Variants in ARHGEF1 observed in about 807,000 individuals in gnomAD.
ARHGEF1 encodes the protein 115 kDa guanine nucleotide exchange factor.
A neutral mutation model predicts 119.7 loss-of-function variants in ARHGEF1; 40 were observed. That is an observed-to-expected ratio of 0.33 (90% CI 0.26 to 0.44). ARHGEF1 has a LOEUF of 0.44. Among genes scored for constraint, ARHGEF1 ranks in the 20% least tolerant of loss-of-function variants. The pLI, the probability that ARHGEF1 is intolerant of heterozygous loss-of-function variation, is 1.00. For missense variants in ARHGEF1, 976 were observed against 1,268.3 expected, an observed-to-expected ratio of 0.77 and a Z score of 3.50; for synonymous variants, 494 against 521.0, an observed-to-expected ratio of 0.95 and a Z score of 0.71.
chr19:41,907,652 G>A (rs965408016), downstream of ARHGEF1: 90 of 440,118 alleles, frequency 2.0e-4, no homozygotes, highest in Non-Finnish European at 3.1e-4. Flanking sequence ...CCCTGACACC[G>A]CCCTCCAGCT....
In ARHGEF1 at chr19:41,912,956, CG is replaced by C. The variant is rs1298584227; in HGVS notation, c.1865+6157del. 19 of 1,124,498 alleles carry C rather than the reference CG, an allele frequency of 1.7e-5. No individual in the cohort carries two copies. In the African/African-American group the frequency reaches 3.1e-4, roughly 18 times the overall value. 69.7% of individuals were successfully genotyped at this position (1,124,498 alleles called of 1,614,324 possible). On this transcript the variant is annotated intron_variant, in intron 18 of 20. Coordinates refer to the ARHGEF1 transcript ENST00000599589. ...CCCTGCAGAGGCCGGGAGGGACACA[CG>C]GGGACGGGGTGGGCAGGAGAGACAG...
intron 13 of ARHGEF1, 84 bp downstream of exon 13, chr19:41,896,566 C>A: frequency 1.9e-6 from 2 of 1,077,708 alleles, no homozygotes; most frequent in Non-Finnish European, 2.8e-6. Context: ...GCCATCTGTG[C>A]CTGCCTGTCC....
rs1555847041 is a variant in ARHGEF1, at chr19:41,894,323, C to G, written c.744+17C>G. The G allele has an allele frequency of 1.3e-6, 2 of 1,525,038 alleles. No homozygotes were observed. Among genetic ancestry groups the G allele is most frequent in the African/African-American group, 1.4e-5 (1 of 72,176 alleles). The allele number at this position is 1,525,038 out of a possible 1,614,324, so 94.5% of individuals were successfully genotyped here. ...CGGAAAAAGGTGCTTCCCTCAGTGC[C>G]CCGTCCTGACCCTTTCCTCTCCAGA... On this transcript the variant is annotated intron_variant, in intron 9 of 28. Coordinates refer to ENST00000354532, the MANE Select transcript of ARHGEF1 (RefSeq NM_004706.4).
At position 41,894,486 on chromosome 19, in the gene ARHGEF1, G is replaced by A; in HGVS notation, c.780G>A (p.Lys260=). ...MGNRRSDEPA[K]TKKGLSSILD... ...ACCGGCGGTCGGACGAGCCTGCCAA[G>A]ACCAAGAAGGGGCTGAGCAGCATCC... Residue 260 remains lysine, a synonymous_variant, in exon 10 of 29, where the codon AAG becomes AAA. Transcript: ENST00000354532. 6.3e-7 allele frequency: 1 copy of A among 1,589,000 alleles called. No homozygotes were observed. Among genetic ancestry groups the A allele is most frequent in the Non-Finnish European group, 8.6e-7 (1 of 1,165,468 alleles).
At position 41,894,608 on chromosome 19, in the gene ARHGEF1, C is replaced by G; in HGVS notation, c.842-18C>G. ...CCCCAGCTGCTCCCACTCACTGTCT[C>G]ATTCTCTCTCGTTTCAGTTCCAGAT... On this transcript the variant is annotated intron_variant, in intron 10 of 28. Transcript: ENST00000354532. 6.2e-7 allele frequency: 1 copy of G among 1,614,074 alleles called. No individual in the cohort carries two copies. Among genetic ancestry groups the G allele is most frequent in the Non-Finnish European group, 8.5e-7 (1 of 1,179,946 alleles).
At chr19:41,919,047 TACAC>T (rs1238231444), upstream of ARHGEF1, among the ~76,000 whole-genome samples, 2 of 148,702 alleles carry the variant, frequency 1.3e-5, no homozygotes, top group Non-Finnish European at 3.0e-5. Context: ...TCACACCACA[TACAC>T]AACACTGCAT....
rs140814302 is a variant in ARHGEF1, at chr19:41,902,467, C to A, written c.1498-66C>A. 6.2e-6 allele frequency: 10 copies of A among 1,611,752 alleles called. No homozygotes were observed. In the Admixed American group the frequency reaches 8.3e-5, roughly 13 times the overall value. ...CCCAGGGTCTGGGCTTCCAGCCTGT[C>A]GTACTTTAGTCCCTGTTCTTGCCCA... On this transcript the variant is annotated intron_variant, in intron 16 of 28. Transcript: ENST00000354532. The surrounding 1 kb of genome is among the most constrained non-coding windows in gnomAD (Gnocchi z 6.5).
chr19:41,892,448 C>T lies in ARHGEF1; in HGVS notation c.367+75C>T. 1.9e-6 allele frequency: 3 copies of T among 1,603,636 alleles called. No homozygotes were observed. Among genetic ancestry groups the T allele is most frequent in the Non-Finnish European group, 1.7e-6 (2 of 1,171,472 alleles). ...TCCCAGGAGGCCAAGGGGAGGGAGG[C>T]CGCACTCCCATGCTCTGCTCGGACA... On this transcript the variant is annotated intron_variant, in intron 6 of 28. Coordinates refer to ENST00000354532, the MANE Select transcript of ARHGEF1 (RefSeq NM_004706.4). The surrounding 1 kb of genome is among the most constrained non-coding windows in gnomAD (Gnocchi z 6.3).
chr19:41,907,033 GTC>G, intron 28 of ARHGEF1, 70 bp from the exon 29 acceptor site: 1 of 1,363,272 alleles, frequency 7.3e-7, no homozygotes, highest in Non-Finnish European at 9.7e-7. Context: ...TCCCTGTCTT[GTC>G]TCTGTGTCTG....
upstream of ARHGEF1, among the ~76,000 whole-genome samples, chr19:41,920,995 C>A (rs1305847716): frequency 6.6e-6 from 1 of 152,228 alleles, no homozygotes; most frequent in African/African-American, 2.4e-5. Flanking sequence ...GTCTCAGTCT[C>A]CGCACGATGT....
chr19:41,908,118 C>T, downstream of ARHGEF1: 3 of 879,956 alleles, frequency 3.4e-6, no homozygotes, highest in Non-Finnish European at 4.5e-6. The surrounding 1 kb of genome is among the most constrained non-coding windows in gnomAD (Gnocchi z 6.7). Flanking sequence ...GCAATGTGCC[C>T]AGACCTGGGA....
chr19:41,922,453 G>A (rs79704386), upstream of ARHGEF1, among the ~76,000 whole-genome samples: 919 of 152,284 alleles, frequency 6.0e-3, 15 homozygotes, highest in African/African-American at 0.02. Flanking sequence ...GAGCACACAG[G>A]GACAGGGAAT....
At chr19:41,927,858 G>A (rs2074880724) in intron 1 of ARHGEF1, among the ~76,000 whole-genome samples, 2 of 151,180 alleles carry the variant, frequency 1.3e-5, no homozygotes, top group South Asian at 2.1e-4. Flanking sequence ...CACCTTCCCA[G>A]AGTTGGGCGC....
intron 8 of ARHGEF1, among the ~76,000 whole-genome samples, chr19:41,893,855 G>A (rs1555846839): frequency 3.2e-5 from 3 of 95,004 alleles, no homozygotes; most frequent in African/African-American, 1.5e-4. Flanking sequence ...GGGAGGAAGG[G>A]GCTGGGGGCC....
At position 41,888,180 on chromosome 19, in the gene ARHGEF1, C is replaced by G. The variant is rs2074323692; in HGVS notation, c.25-12C>G. The G allele has an allele frequency of 6.2e-7, 1 of 1,614,052 alleles. No individual in the cohort carries two copies. Among genetic ancestry groups the G allele is most frequent in the Middle Eastern group, 1.7e-4 (1 of 6,060 alleles). ...GAGTCCTGTGGACTGAAGCTGCCCT[C>G]CCTTTCCACAGGCCTCCCCAGGCCC... On this transcript the variant is annotated splice_polypyrimidine_tract_variant and intron_variant, in intron 2 of 28. Coordinates refer to ENST00000354532, the MANE Select transcript of ARHGEF1 (RefSeq NM_004706.4). The surrounding 1 kb of genome is among the most constrained non-coding windows in gnomAD (Gnocchi z 5.1).
rs1320599237 is a variant in ARHGEF1 at position 41,905,359 on chromosome 19, A to C, written c.2336+98A>C. On this transcript the variant is annotated intron_variant, in intron 24 of 28. Transcript: ENST00000354532. This position sits in a 1 kb window ranked among gnomAD's most constrained non-coding sequence, Gnocchi z 6.4. ...ACTCCAGAACCGTCTCTGTGTGAGC[A>C]TGCACATGTGTGAATGCATGTGTGT... 6 of 1,105,254 alleles carry C rather than the reference A, an allele frequency of 5.4e-6. No homozygotes were observed. The highest frequency in any genetic ancestry group is 7.8e-6 in the Non-Finnish European group (6 of 765,788). The allele number at this position is 1,105,254 out of a possible 1,614,324, so 68.5% of individuals were successfully genotyped here.
At chr19:41,913,391 G>T (rs1555851444) in intron 18 of ARHGEF1, among the ~76,000 whole-genome samples, 1 of 151,572 alleles carries the variant, frequency 6.6e-6, no homozygotes, top group Non-Finnish European at 1.5e-5. Context: ...CTCTCTCTCT[G>T]GCTGCCCCAG....
At position 41,928,850 on chromosome 19, in the gene ARHGEF1, A is replaced by G. The variant is rs188065112; in HGVS notation, c.162A>G (p.Gly54=). Reference sequence around the variant, plus strand: ...CCTAAGTGGACGCGCGGACAAACGGACAGGCGCGAGGTGGAGGTGGCGACG... The same window carrying G: ...CCTAAGTGGACGCGCGGACAAACGGGCAGGCGCGAGGTGGAGGTGGCGACG... The change falls in exon 2 of 3, where the codon GGA becomes GGG. Residue 54 remains glycine, a synonymous_variant. Transcript: ENST00000594417. 1.0e-3 allele frequency: 464 copies of G among 452,014 alleles called. 3 individuals carry two copies. Among genetic ancestry groups the G allele is most frequent in the African/African-American group, 8.3e-3 (417 of 49,970 alleles). The allele number at this position is 452,014 out of a possible 1,614,324, so 28.0% of individuals were successfully genotyped here.
chr19:41,916,148 C>T lies in ARHGEF1; in HGVS notation c.1866-6944C>T, dbSNP rs2074800221. Reference sequence around the variant, plus strand: ...CCCTTCTCTCCCTGCCAAGCACAACCACACAGACCCACACACCAACCCAGG... The same window carrying T: ...CCCTTCTCTCCCTGCCAAGCACAACTACACAGACCCACACACCAACCCAGG... On this transcript the variant is annotated intron_variant, in intron 18 of 20. Coordinates refer to the ARHGEF1 transcript ENST00000599589. The surrounding 1 kb of genome is among the most constrained non-coding windows in gnomAD (Gnocchi z 5.4). Among the ~76,000 whole-genome samples, 2 of 152,096 alleles carry T rather than the reference C, an allele frequency of 1.3e-5. No homozygotes were observed. Among genetic ancestry groups the T allele is most frequent in the African/African-American group, 4.8e-5 (2 of 41,382 alleles).
Sources: allele counts gnomAD v4.1 joint callset (sites outside exome capture counted in the v4.1 genomes callset), GRCh38; gene constraint gnomAD v4.1.1; non-coding constraint Gnocchi (gnomAD v3.1); transcripts MANE v1.5; gene names NCBI Gene and HGNC (gene_info 2026-07-23, HGNC 2026-07-21).